The following PRKCB variants were observed in gnomAD, a reference collection of about 807,000 sequenced individuals.
PRKCB encodes protein kinase C beta type.
In PRKCB, 13 loss-of-function variants were observed where a neutral mutation model predicts 81.5. The ratio of observed to expected loss-of-function variants is 0.16; its 90% CI spans 0.10 to 0.25. The LOEUF (loss-of-function observed/expected upper bound fraction) is 0.25, where lower values mean the gene tolerates loss of function less well. Ranked by LOEUF, PRKCB falls within the 10% of genes least tolerant of loss-of-function variation. The probability of loss-of-function intolerance (pLI) is 1.00; values close to 1 mark genes in which losing one functional copy is unlikely to be tolerated. For missense variants in PRKCB, 509 were observed against 875.7 expected (o/e 0.58, Z 5.29); for synonymous variants, 335 against 321.4 (o/e 1.04, Z -0.45).
chr16:24,216,879 T>G lies in PRKCB; in HGVS notation c.*2063T>G. The G allele has an allele frequency of 1.0e-6, 1 of 985,458 alleles. No homozygotes were observed. The highest frequency in any genetic ancestry group is 1.2e-6 in the Non-Finnish European group (1 of 829,950). The allele number at this position is 985,458 out of a possible 1,614,324, so 61.0% of individuals were successfully genotyped here. A position where few individuals can be genotyped will look rare whatever the true frequency, so the allele number is the denominator to read the frequency against. ...CTGGGATAAAAACCTGGGTGTCCTG[T>G]CCAGAAAGTGCAGGGTGCTTTCTGC... On this transcript the variant is annotated 3_prime_UTR_variant, in exon 17 of 17. Coordinates refer to ENST00000643927, the MANE Select transcript of PRKCB (RefSeq NM_002738.7).
intron 3 of PRKCB, among the ~76,000 whole-genome samples, chr16:24,007,407 G>C (rs561807421): frequency 3.3e-5 from 5 of 152,352 alleles, no homozygotes; most frequent in African/African-American, 1.2e-4. Context: ...GTTGGAGAGA[G>C]GGGCTGATAA....
intron 2 of PRKCB, among the ~76,000 whole-genome samples, chr16:23,847,666 TAGAACAGTGAAC>T (rs1962403951): frequency 6.6e-6 from 1 of 152,234 alleles, no homozygotes; most frequent in African/African-American, 2.4e-5. Flanking sequence ...GCATTGGAAC[TAGAACAGTGAAC>T]AGAACAGCAT....
chr16:24,127,173 ATT>A (rs922983300), intron 9 of PRKCB, among the ~76,000 whole-genome samples: 1 of 149,458 alleles, frequency 6.7e-6, no homozygotes, highest in African/African-American at 2.5e-5. Flanking sequence ...CGCCCAGCTA[ATT>A]TTCCACTTTT....
At chr16:23,945,104 G>A (rs942822940) in intron 2 of PRKCB, among the ~76,000 whole-genome samples, 2 of 152,176 alleles carry the variant, frequency 1.3e-5, no homozygotes, top group African/African-American at 4.8e-5. Flanking sequence ...GACATGGAGA[G>A]GCTGCAGGAC....
chr16:24,061,917 A>T (rs913162081), intron 5 of PRKCB, among the ~76,000 whole-genome samples: 4 of 148,844 alleles, frequency 2.7e-5, no homozygotes, highest in East Asian at 1.9e-4. Flanking sequence ...AAATAAAAAA[A>T]AAAAAAAAAA....
chr16:24,174,249 C>G, intron 11 of PRKCB: 1 of 360,262 alleles, frequency 2.8e-6, no homozygotes, highest in Admixed American at 4.4e-5. Flanking sequence ...AATCCTTCAT[C>G]CAGTTCATCA....
intron 7 of PRKCB, among the ~76,000 whole-genome samples, chr16:24,107,708 C>A (rs77883340): frequency 1.7e-3 from 263 of 152,334 alleles, no homozygotes; most frequent in African/African-American, 6.2e-3. Flanking sequence ...TGGCACCATG[C>A]CCCTGCCCGC....
At chr16:24,090,840 G>C (rs1185705898) in intron 5 of PRKCB, among the ~76,000 whole-genome samples, 1 of 152,196 alleles carries the variant, frequency 6.6e-6, no homozygotes, top group African/African-American at 2.4e-5. Context: ...TATGATTGGG[G>C]GTGAGCAAAG....
chr16:23,985,910 G>A (rs1372168718), intron 2 of PRKCB, among the ~76,000 whole-genome samples: 1 of 152,088 alleles, frequency 6.6e-6, no homozygotes, highest in Admixed American at 6.5e-5. Context: ...ACAGACCCCA[G>A]TATATATAAT....
At chr16:24,156,467 G>A (rs1198033279) in intron 10 of PRKCB, among the ~76,000 whole-genome samples, 2 of 151,982 alleles carry the variant, frequency 1.3e-5, no homozygotes, top group Non-Finnish European at 2.9e-5. Flanking sequence ...TAGAGACCGG[G>A]TTTCACCATG....
intron 9 of PRKCB, among the ~76,000 whole-genome samples, chr16:24,141,704 G>A (rs1302608980): frequency 2.0e-5 from 3 of 152,170 alleles, no homozygotes; most frequent in Non-Finnish European, 4.4e-5. Flanking sequence ...GTTGACAGAC[G>A]GTTTGCTGGT....
At chr16:24,079,672 A>T (rs1315018251) in intron 5 of PRKCB, among the ~76,000 whole-genome samples, 1 of 152,164 alleles carries the variant, frequency 6.6e-6, no homozygotes, top group Admixed American at 6.5e-5. Flanking sequence ...AATTCAGACA[A>T]TCCAAGCTGA....
chr16:23,933,629 T>TATGC (rs1555485749), intron 2 of PRKCB, among the ~76,000 whole-genome samples: 2 of 135,712 alleles, frequency 1.5e-5, no homozygotes, highest in South Asian at 2.5e-4. Flanking sequence ...TGTGAACTGA[T>TATGC]ATCCATCCAT....
chr16:23,841,817 G>A (rs995784252), intron 2 of PRKCB, among the ~76,000 whole-genome samples: 3 of 151,584 alleles, frequency 2.0e-5, no homozygotes, highest in Admixed American at 6.6e-5. Flanking sequence ...CACCATGCCC[G>A]GCTAATTTTT....
chr16:24,020,402 C>T (rs558951158), intron 3 of PRKCB, among the ~76,000 whole-genome samples: 4 of 152,150 alleles, frequency 2.6e-5, no homozygotes, highest in Non-Finnish European at 5.9e-5. Flanking sequence ...TCCACAATGA[C>T]TTTTGCACCT....
At chr16:23,942,272 G>T (rs2141769623) in intron 2 of PRKCB, among the ~76,000 whole-genome samples, 1 of 152,360 alleles carries the variant, frequency 6.6e-6, no homozygotes, top group Non-Finnish European at 1.5e-5. Context: ...GGCAATCTGT[G>T]TGTCTAAAGG....
intron 5 of PRKCB, among the ~76,000 whole-genome samples, chr16:24,066,243 T>G (rs1255007961): frequency 6.6e-6 from 1 of 152,150 alleles, no homozygotes; most frequent in Non-Finnish European, 1.5e-5. Flanking sequence ...TTTGATTATA[T>G]GTATGTTAGA....
intron 5 of PRKCB, among the ~76,000 whole-genome samples, chr16:24,037,863 A>T (rs1169156878): frequency 1.3e-4 from 11 of 82,292 alleles, no homozygotes; most frequent in Admixed American, 1.1e-3. Context: ...AAGACGTTTA[A>T]AAAAAAAAAA....
At chr16:23,893,603 T>C (rs1329455498) in intron 2 of PRKCB, 3 of 152,244 alleles carry the variant, frequency 2.0e-5, no homozygotes, top group Admixed American at 1.3e-4. Flanking sequence ...TTAACATTTT[T>C]GTTATTCCAG....
Sources: allele counts gnomAD v4.1 joint callset (sites outside exome capture counted in the v4.1 genomes callset), GRCh38; gene constraint gnomAD v4.1.1; transcripts MANE v1.5; gene names NCBI Gene and HGNC (gene_info 2026-07-23, HGNC 2026-07-21).